Variants in INPP5A observed in about 807,000 individuals in gnomAD.
INPP5A encodes inositol polyphosphate-5-phosphatase A, also known as 43 kDa inositol polyphosphate 5-phophatase.
A neutral mutation model predicts 65.2 loss-of-function variants in INPP5A; 14 were observed. That is an observed-to-expected ratio of 0.21 (90% confidence interval 0.14 to 0.34). The LOEUF (loss-of-function observed/expected upper bound fraction) is 0.34. Ranked by LOEUF, INPP5A falls within the 10% of genes least tolerant of loss-of-function variation. INPP5A has a pLI of 1.00. For synonymous variants in INPP5A, 207 were observed against 208.3 expected (o/e 0.99, Z 0.05); for missense variants, 431 against 545.6 (o/e 0.79, Z 2.09).
chr10:132,543,313 A>C (rs1241381205), intron 1 of INPP5A, among the ~76,000 whole-genome samples: 1 of 151,428 alleles, frequency 6.6e-6, no homozygotes, highest in Non-Finnish European at 1.5e-5. Flanking sequence ...TTTCACATAC[A>C]TGGGATCAGA....
chr10:132,558,892 G>A (rs1319054729), intron 1 of INPP5A, among the ~76,000 whole-genome samples: 1 of 152,228 alleles, frequency 6.6e-6, no homozygotes, highest in African/African-American at 2.4e-5. Context: ...GGCCATGGGT[G>A]TGTGGCTCTG....
At chr10:132,558,237 A>G (rs2071152634) in intron 1 of INPP5A, among the ~76,000 whole-genome samples, 1 of 152,184 alleles carries the variant, frequency 6.6e-6, no homozygotes, top group Admixed American at 6.5e-5. Flanking sequence ...AGGGCCACGC[A>G]GAGCCGCGAC....
chr10:132,676,338 C>T lies in INPP5A; in HGVS notation c.307-14054C>T, dbSNP rs2072964329. ...GACCTGCGGAAAGGCTCTGGGGCGT[C>T]ACGTCTCCCTGTGGCCGAGGCTGCT... On this transcript the variant is annotated intron_variant, in intron 4 of 15. Coordinates refer to ENST00000368594, the MANE Select transcript of INPP5A (RefSeq NM_005539.5). This position sits in a 1 kb window ranked among gnomAD's most constrained non-coding sequence, Gnocchi z 4.0. Among the ~76,000 whole-genome samples, 1 of 152,170 alleles carries T rather than the reference C, an allele frequency of 6.6e-6. No homozygotes were observed. Among genetic ancestry groups the T allele is most frequent in the South Asian group, 2.1e-4 (1 of 4,830 alleles).
intron 9 of INPP5A, among the ~76,000 whole-genome samples, chr10:132,744,077 C>T (rs922367051): frequency 6.6e-6 from 1 of 152,244 alleles, no homozygotes; most frequent in Admixed American, 6.5e-5. Context: ...GGAGGAGTGG[C>T]CGGCTCTGGC....
chr10:132,660,035 C>T (rs573412180), intron 4 of INPP5A, among the ~76,000 whole-genome samples: 18 of 152,284 alleles, frequency 1.2e-4, no homozygotes, highest in East Asian at 5.8e-4. Flanking sequence ...CACGTTCCCG[C>T]GCTCCGCCGA....
chr10:132,557,524 C>A (rs768491780), intron 1 of INPP5A, among the ~76,000 whole-genome samples: 1 of 152,246 alleles, frequency 6.6e-6, no homozygotes, highest in Non-Finnish European at 1.5e-5. Flanking sequence ...TTCAGCTGCT[C>A]ATTTTTGTGT....
At chr10:132,745,503 G>C in intron 9 of INPP5A, among the ~76,000 whole-genome samples, 1 of 152,230 alleles carries the variant, frequency 6.6e-6, no homozygotes, top group South Asian at 2.1e-4. Context: ...TCCCGAGTCC[G>C]GGCAGCATCT....
intron 1 of INPP5A, among the ~76,000 whole-genome samples, chr10:132,593,058 G>A (rs1317133727): frequency 3.3e-5 from 5 of 152,192 alleles, no homozygotes; most frequent in Non-Finnish European, 7.3e-5. Context: ...AGAGCCTATC[G>A]GGGAGAGACT....
At chr10:132,635,103 A>G (rs2072327084) in intron 2 of INPP5A, among the ~76,000 whole-genome samples, 1 of 152,214 alleles carries the variant, frequency 6.6e-6, no homozygotes, top group South Asian at 2.1e-4. Flanking sequence ...CATATTTGAA[A>G]TGTGATTCGT....
chr10:132,539,487 G>T (rs1301969504), intron 1 of INPP5A, among the ~76,000 whole-genome samples: 2 of 152,152 alleles, frequency 1.3e-5, no homozygotes, highest in Non-Finnish European at 2.9e-5. Flanking sequence ...AGGATCCCAG[G>T]GTGCCCCCAT....
intron 6 of INPP5A, among the ~76,000 whole-genome samples, chr10:132,699,060 G>A (rs914510731): frequency 9.2e-5 from 14 of 152,190 alleles, no homozygotes; most frequent in Admixed American, 6.5e-4. Flanking sequence ...GCCTCCCTCC[G>A]CTCCGGATGT....
At chr10:132,548,373 G>A (rs1033404727) in intron 1 of INPP5A, among the ~76,000 whole-genome samples, 1 of 152,148 alleles carries the variant, frequency 6.6e-6, no homozygotes, top group Non-Finnish European at 1.5e-5. Context: ...GCCAGGCCAG[G>A]CCTCTGCTGC....
rs2070857926 is a variant in INPP5A, at chr10:132,537,851, G to C, written c.-246G>C. On this transcript the variant is annotated 5_prime_UTR_variant, in exon 1 of 16. Transcript: ENST00000368594. ...TTCCCAGCGGATCTAATGGCTGCGC[G>C]CGGGCCGCTGTGAGGCGCGGCGGCG... 1.1e-5 allele frequency: 4 copies of C among 362,760 alleles called. No individual in the cohort carries two copies. Among genetic ancestry groups the C allele is most frequent in the Admixed American group, 4.7e-5 (1 of 21,370 alleles). 22.5% of individuals were successfully genotyped at this position (362,760 alleles called of 1,614,324 possible).
intron 4 of INPP5A, among the ~76,000 whole-genome samples, chr10:132,679,831 A>C (rs1446492715): frequency 6.6e-6 from 1 of 152,218 alleles, no homozygotes; most frequent in Non-Finnish European, 1.5e-5. Flanking sequence ...CTGGGCAGCC[A>C]GGTGGTCTCT....
chr10:132,743,357 C>T (rs1265998182), intron 9 of INPP5A, among the ~76,000 whole-genome samples: 3 of 134,492 alleles, frequency 2.2e-5, no homozygotes, highest in Admixed American at 7.3e-5. Context: ...GGAGTGAGGG[C>T]GAGCCCACCC....
chr10:132,749,828 GAC>G lies in INPP5A; in HGVS notation c.888_889del (p.Asp296GlufsTer10). 1 of 1,613,232 alleles carries G rather than the reference GAC, an allele frequency of 6.2e-7. No homozygotes were observed. Among genetic ancestry groups the G allele is most frequent in the Non-Finnish European group, 8.5e-7 (1 of 1,179,986 alleles). ...FDYFNQEVFR[D>X]NNGTALLEFD... ...CTACTTCAACCAGGAGGTTTTCCGA[GAC>G]AACAACGGCACCGCGGTGAGTTTGT... is the stretch of plus-strand genomic sequence containing the variant. On this transcript the variant is annotated frameshift_variant, in exon 11 of 16. Coordinates refer to ENST00000368594, the MANE Select transcript of INPP5A (RefSeq NM_005539.5). LOFTEE classifies it high-confidence loss of function.
chr10:132,628,463 C>T (rs75118772), intron 2 of INPP5A, among the ~76,000 whole-genome samples: 1 of 23,296 alleles, frequency 4.3e-5, no homozygotes, highest in African/African-American at 1.3e-4. Flanking sequence ...GCTCTGGTGG[C>T]GGGGGGGGGG....
In INPP5A at chr10:132,537,926, G is replaced by A. The variant is rs896035578; in HGVS notation, c.-171G>A. On this transcript the variant is annotated 5_prime_UTR_variant, in exon 1 of 16. Coordinates refer to ENST00000368594, the MANE Select transcript of INPP5A (RefSeq NM_005539.5). Reference sequence around the variant, plus strand: ...CAGCGAGCGAGCGAGCGAGCGCGAGGCCGGAGCCCCGGCCAGGCCCGGCCG... The same window carrying A: ...CAGCGAGCGAGCGAGCGAGCGCGAGACCGGAGCCCCGGCCAGGCCCGGCCG... 3 of 189,856 alleles carry A rather than the reference G, an allele frequency of 1.6e-5. No homozygotes were observed. Among genetic ancestry groups the A allele is most frequent in the African/African-American group, 7.2e-5 (3 of 41,806 alleles). 11.8% of individuals were successfully genotyped at this position (189,856 alleles called of 1,614,324 possible). A position where few individuals can be genotyped will look rare whatever the true frequency, so the allele number is the denominator to read the frequency against.
At chr10:132,588,524 C>T (rs1204842787) in intron 1 of INPP5A, among the ~76,000 whole-genome samples, 1 of 152,242 alleles carries the variant, frequency 6.6e-6, no homozygotes, top group Admixed American at 6.5e-5. Flanking sequence ...AAAGGAAATG[C>T]TTTTCCACAG....
Sources: gnomAD v4.1 joint callset for allele counts (sites outside exome capture counted in the v4.1 genomes callset) on GRCh38, gnomAD v4.1.1 for gene constraint, Gnocchi (gnomAD v3.1) non-coding constraint, MANE v1.5 for transcripts, NCBI Gene and HGNC (gene_info 2026-07-23, HGNC 2026-07-21) for gene names.